The following TET3 variants were observed in gnomAD, a reference collection of about 807,000 sequenced individuals.
TET3 encodes the protein methylcytosine dioxygenase TET3.
A neutral mutation model predicts 141.4 loss-of-function variants in TET3; 19 were observed. The ratio of observed to expected loss-of-function variants is 0.13; its 90% CI spans 0.09 to 0.20. The LOEUF (loss-of-function observed/expected upper bound fraction) is 0.20, where lower values mean the gene tolerates loss of function less well. Among genes scored for constraint, TET3 ranks in the 10% least tolerant of loss-of-function variants. The probability of loss-of-function intolerance (pLI) is 1.00; values close to 1 mark genes in which losing one functional copy is unlikely to be tolerated. For synonymous variants in TET3, 1,043 were observed against 980.9 expected (o/e 1.06, Z -1.18); for missense variants, 1,874 against 2,356.9 (o/e 0.80, Z 4.24).
the TET3 span, among the ~76,000 whole-genome samples, chr2:74,120,159 G>A: frequency 6.6e-6 from 1 of 152,238 alleles, no homozygotes; most frequent in Non-Finnish European, 1.5e-5. Flanking sequence ...GAAGGACGCT[G>A]CTTCGGGCTC....
the TET3 span, among the ~76,000 whole-genome samples, chr2:74,123,638 C>T: frequency 9.8e-5 from 15 of 152,322 alleles, no homozygotes; most frequent in African/African-American, 3.6e-4. Context: ...CTGCCTTGGC[C>T]TCCCAAAGTG....
In TET3 at chr2:74,100,825, C is replaced by A. The variant is rs1013661683; in HGVS notation, c.4037C>A (p.Pro1346His). 1 of 1,612,132 alleles carries A rather than the reference C, an allele frequency of 6.2e-7. No homozygotes were observed. Among genetic ancestry groups the A allele is most frequent in the African/African-American group, 1.3e-5 (1 of 74,836 alleles). Residue 1346 changes from proline to histidine, a missense_variant, in exon 12 of 12, where the codon CCC becomes CAC. By Grantham distance (77) the Pro-to-His change is moderately conservative. This residue lies in a region of TET3 where 602 missense variants were observed against 590.2 expected (regional missense o/e 1.02). Coordinates refer to ENST00000409262, the MANE Select transcript of TET3 (RefSeq NM_001287491.2). ...GCCGAGCTGCCCAGCCAGGCTGTTC[C>A]CACAGACGCCCACCACCCCACTCCT... ...EFAELPSQAV[P>H]TDAHHPTPHH...
In TET3 at chr2:73,986,426, T is replaced by C. The variant is rs1023770455; in HGVS notation, c.23T>C (p.Leu8Pro). The C allele has an allele frequency of 8.1e-7, 1 of 1,232,196 alleles. No individual in the cohort carries two copies. The highest frequency in any genetic ancestry group is 1.5e-5 in the African/African-American group (1 of 64,538). 76.3% of individuals were successfully genotyped at this position (1,232,196 alleles called of 1,614,324 possible). ...ATCATGAGCCAGTTTCAGGTGCCCC[T>C]GGCCGTCCAGCCGGACCTGCCAGGC... MSQFQVP[L>P]AVQPDLPGLY... Residue 8 changes from leucine to proline, a missense_variant, in exon 2 of 12, where the codon CTG becomes CCG. Physicochemically the swap from Leu to Pro is moderately conservative, Grantham distance 98. This residue lies in a region of TET3 where 366 missense variants were observed against 487.0 expected (regional missense o/e 0.75). Transcript: ENST00000409262.
chr2:74,099,280 G>A lies in TET3; in HGVS notation c.3272G>A (p.Cys1091Tyr). 1 of 1,592,040 alleles carries A rather than the reference G, an allele frequency of 6.3e-7. No individual in the cohort carries two copies. Among genetic ancestry groups the A allele is most frequent in the Non-Finnish European group, 8.6e-7 (1 of 1,169,078 alleles). ...HNLYNGCTVV[C>Y]TLTKEDNRCV... ...CTCCCCCACTGCTTGGGGCAGGTCT[G>A]CACCCTGACCAAGGAAGACAATCGC... The change falls in exon 11 of 12, where the codon TGC becomes TAC. Residue 1091 changes from cysteine (C) to tyrosine (Y), a missense_variant. Physicochemically the swap from Cys to Tyr is radical, Grantham distance 194. Coordinates refer to ENST00000409262, the MANE Select transcript of TET3 (RefSeq NM_001287491.2).
At chr2:74,075,766 A>G (rs1689472718) in intron 5 of TET3, among the ~76,000 whole-genome samples, 1 of 152,188 alleles carries the variant, frequency 6.6e-6, no homozygotes, top group African/African-American at 2.4e-5. Flanking sequence ...TTCCTAGACC[A>G]TCTGGGAACA....
At chr2:74,098,955 G>A (rs555941244) in intron 10 of TET3, among the ~76,000 whole-genome samples, 11 of 152,312 alleles carry the variant, frequency 7.2e-5, no homozygotes, top group South Asian at 2.1e-4. Context: ...GTGCTGTGGC[G>A]TCAGTGCTAT....
At chr2:74,082,631 G>A (rs13396777) in intron 6 of TET3, among the ~76,000 whole-genome samples, 9,836 of 152,178 alleles carry the variant, frequency 0.065, 665 homozygotes, top group African/African-American at 0.16. Context: ...GCAAGAAAAC[G>A]GCAGTGCTGA....
In TET3 at chr2:74,093,007, C is replaced by T; in HGVS notation, c.3129+16C>T. On this transcript the variant is annotated intron_variant, in intron 9 of 11. Coordinates refer to ENST00000409262, the MANE Select transcript of TET3 (RefSeq NM_001287491.2). This position sits in a 1 kb window ranked among gnomAD's most constrained non-coding sequence, Gnocchi z 4.2. ...TCAGAACCAGGTAACGGGCCCTGGG[C>T]CTTTTGCTGCCCACATGTCACCGTC... 1 of 1,554,718 alleles carries T rather than the reference C, an allele frequency of 6.4e-7. No homozygotes were observed. Among genetic ancestry groups the T allele is most frequent in the Non-Finnish European group, 8.7e-7 (1 of 1,148,150 alleles).
intron 2 of TET3, among the ~76,000 whole-genome samples, chr2:73,992,536 ACTC>A (rs1272798519): frequency 6.6e-6 from 1 of 150,732 alleles, no homozygotes; most frequent in African/African-American, 2.4e-5. Context: ...CTGGTGTTGA[ACTC>A]CTGACCTCAG....
At chr2:74,019,207 T>C (rs1685899090) in intron 3 of TET3, among the ~76,000 whole-genome samples, 1 of 152,220 alleles carries the variant, frequency 6.6e-6, no homozygotes, top group Non-Finnish European at 1.5e-5. Flanking sequence ...CGGTGAGCTA[T>C]GATCTGGCCA....
intron 4 of TET3, among the ~76,000 whole-genome samples, chr2:74,065,908 G>A (rs557191955): frequency 3.8e-4 from 58 of 151,998 alleles, no homozygotes; most frequent in African/African-American, 1.2e-3. Context: ...ACAGGCACCC[G>A]CCACCATGCC....
At chr2:74,007,287 T>G (rs1227298492) in intron 3 of TET3, among the ~76,000 whole-genome samples, 2 of 152,192 alleles carry the variant, frequency 1.3e-5, no homozygotes, top group Non-Finnish European at 2.9e-5. Context: ...TACATTTGCT[T>G]TCTCTCTGGC....
At chr2:73,984,010 C>G (rs1683874131), upstream of TET3, among the ~76,000 whole-genome samples, 1 of 152,234 alleles carries the variant, frequency 6.6e-6, no homozygotes, top group African/African-American at 2.4e-5. The surrounding 1 kb of genome is among the most constrained non-coding windows in gnomAD (Gnocchi z 5.6). Context: ...GGCAGTTTGG[C>G]AACTTGGAAA....
intron 6 of TET3, among the ~76,000 whole-genome samples, chr2:74,084,370 G>T (rs1001136270): frequency 6.6e-6 from 1 of 152,128 alleles, no homozygotes; most frequent in African/African-American, 2.4e-5. Flanking sequence ...GCTCACGCCT[G>T]TAATCCCAGC....
chr2:74,081,459 A>G (rs780834095), intron 6 of TET3, among the ~76,000 whole-genome samples: 3 of 152,238 alleles, frequency 2.0e-5, no homozygotes, highest in Non-Finnish European at 2.9e-5. Flanking sequence ...GTTGAGAGGC[A>G]GACTTGATGC....
the TET3 span, chr2:74,121,360 C>G: frequency 3.9e-5 from 6 of 152,072 alleles, no homozygotes; most frequent in African/African-American, 1.2e-4. Flanking sequence ...ACATATGTAG[C>G]GATTGGGCAA....
Position 74,106,142 on chromosome 2 carries a change from G to C in TET3, c.*3966G>C, listed in dbSNP as rs945075421. The C allele has an allele frequency of 6.6e-6, 1 of 150,420 alleles. No individual in the cohort carries two copies. Among genetic ancestry groups the C allele is most frequent in the East Asian group, 2.0e-4 (1 of 5,112 alleles). 9.3% of individuals were successfully genotyped at this position (150,420 alleles called of 1,614,324 possible). ...TGGTGCTGTCTTAGACCCGTTTACC[G>C]TGCTATAATCTGCTCTGAGCAGTGT... On this transcript the variant is annotated 3_prime_UTR_variant, in exon 12 of 12. Coordinates refer to ENST00000409262, the MANE Select transcript of TET3 (RefSeq NM_001287491.2).
chr2:74,094,890 G>T (rs1244556032), intron 10 of TET3, among the ~76,000 whole-genome samples: 1 of 152,170 alleles, frequency 6.6e-6, no homozygotes, highest in South Asian at 2.1e-4. Context: ...CCTGCTAGAC[G>T]TGCAGGTGGA....
chr2:74,079,729 G>A (rs1226379076), intron 5 of TET3, among the ~76,000 whole-genome samples: 2 of 152,196 alleles, frequency 1.3e-5, no homozygotes, highest in African/African-American at 2.4e-5. Context: ...CAAGACAGTG[G>A]CAGGGCTGGC....
Sources: allele counts gnomAD v4.1 joint callset (sites outside exome capture counted in the v4.1 genomes callset), GRCh38; gene constraint gnomAD v4.1.1; regional missense constraint gnomAD v4.1.1; non-coding constraint Gnocchi (gnomAD v3.1); transcripts MANE v1.5; gene names NCBI Gene and HGNC (gene_info 2026-07-23, HGNC 2026-07-21).